CFAP52: variants seen among roughly 807,000 people sequenced by gnomAD.
CFAP52 encodes the protein cilia and flagella associated protein 52.
CFAP52 carries 57 observed loss-of-function variants against 70.5 expected under a neutral mutation model. That is an observed-to-expected ratio of 0.81 (90% confidence interval 0.65 to 1.01). CFAP52 has a LOEUF of 1.01. Among genes scored for constraint, CFAP52 ranks in the 50% least tolerant of loss-of-function variants. The pLI, the probability that CFAP52 is intolerant of heterozygous loss-of-function variation, is 0.00. For missense variants in CFAP52, 785 were observed against 788.5 expected (o/e 1.00, Z 0.05); for synonymous variants, 267 against 292.5 (o/e 0.91, Z 0.89).
chr17:9,598,340 A>T lies in CFAP52; in HGVS notation c.636+7A>T. On this transcript the variant is annotated splice_region_variant and intron_variant, in intron 5 of 13. Transcript: ENST00000352665. ...AATAGTCATGAGTATTGGAGTAAGT[A>T]TTAATTTAAGTATTAAGTAACAATT... The T allele has an allele frequency of 6.2e-7, 1 of 1,605,570 alleles. No homozygotes were observed. Among genetic ancestry groups the T allele is most frequent in the Admixed American group, 1.7e-5 (1 of 59,178 alleles).
At chr17:9,637,582 T>G (rs2151952906) in intron 11 of CFAP52, among the ~76,000 whole-genome samples, 1 of 152,278 alleles carries the variant, frequency 6.6e-6, no homozygotes, top group East Asian at 1.9e-4. Context: ...CACATAAAAA[T>G]CAACTGAAAT....
chr17:9,588,468 C>T (rs1908597204), intron 3 of CFAP52, among the ~76,000 whole-genome samples: 1 of 152,152 alleles, frequency 6.6e-6, no homozygotes, highest in South Asian at 2.1e-4. Flanking sequence ...GCAGCGGAGG[C>T]AGGGCAGACA....
rs1202912825 is a variant in CFAP52, at chr17:9,586,561, G to A, written c.271-137G>A. 34 of 1,150,488 alleles carry A rather than the reference G, an allele frequency of 3.0e-5. No individual in the cohort carries two copies. The African/African-American group carries it at 3.7e-4, about 13-fold the overall frequency. The allele number at this position is 1,150,488 out of a possible 1,614,324, so 71.3% of individuals were successfully genotyped here. ...CCTGGGCAAAAAAGAGTGAGACTCC[G>A]TCTCAACAAAAAAAAAAAAAAAAAG... On this transcript the variant is annotated intron_variant, in intron 2 of 13. Coordinates refer to ENST00000352665, the MANE Select transcript of CFAP52 (RefSeq NM_145054.5).
intron 9 of CFAP52, among the ~76,000 whole-genome samples, chr17:9,632,316 G>T (rs1235662194): frequency 1.3e-5 from 2 of 148,868 alleles, no homozygotes; most frequent in Non-Finnish European, 3.0e-5. Flanking sequence ...CTGGTCTTGT[G>T]CTCCTAGACT....
chr17:9,641,325 T>G (rs1257544311), intron 12 of CFAP52, among the ~76,000 whole-genome samples: 1 of 152,160 alleles, frequency 6.6e-6, no homozygotes, highest in Non-Finnish European at 1.5e-5. Flanking sequence ...TCTCTAGAAC[T>G]CTGGGGAGTG....
intron 10 of CFAP52, 109 bp downstream of exon 10, chr17:9,633,142 G>A: frequency 1.5e-6 from 2 of 1,293,146 alleles, no homozygotes; most frequent in Non-Finnish European, 1.0e-6. Flanking sequence ...TATTCAAGCA[G>A]GACCAAATTG....
At chr17:9,583,933 G>A (rs1452388474) in intron 1 of CFAP52, among the ~76,000 whole-genome samples, 2 of 152,192 alleles carry the variant, frequency 1.3e-5, no homozygotes, top group Non-Finnish European at 2.9e-5. Context: ...AGCTTTATTG[G>A]AGAAGCCAGC....
At chr17:9,608,903 G>T (rs190102644) in intron 7 of CFAP52, among the ~76,000 whole-genome samples, 199 of 152,282 alleles carry the variant, frequency 1.3e-3, no homozygotes, top group Non-Finnish European at 2.1e-3. Flanking sequence ...ACACACGAAA[G>T]AAGTCACTAC....
chr17:9,631,774 T>TC (rs1348932515), intron 9 of CFAP52, among the ~76,000 whole-genome samples: 1 of 151,834 alleles, frequency 6.6e-6, no homozygotes, highest in Non-Finnish European at 1.5e-5. Context: ...GGAAAGTTTT[T>TC]TTTTTTTTTT....
At chr17:9,587,631 G>A (rs1406585318) in intron 3 of CFAP52, among the ~76,000 whole-genome samples, 7 of 152,098 alleles carry the variant, frequency 4.6e-5, no homozygotes, top group African/African-American at 1.7e-4. Context: ...GTGATATTGA[G>A]CCTTTTTTCA....
intron 10 of CFAP52, 146 bp from the exon 11 acceptor site, chr17:9,635,259 T>G: frequency 9.0e-7 from 1 of 1,113,584 alleles, no homozygotes; most frequent in Non-Finnish European, 1.3e-6. Flanking sequence ...CAACTTAGCA[T>G]TCACACCCCA....
At chr17:9,606,629 C>T (rs536323952) in intron 6 of CFAP52, among the ~76,000 whole-genome samples, 3 of 152,314 alleles carry the variant, frequency 2.0e-5, no homozygotes, top group African/African-American at 4.8e-5. Flanking sequence ...CGACTGGCTG[C>T]AGAACCTGTG....
At chr17:9,629,620 T>A (rs913243777) in intron 9 of CFAP52, among the ~76,000 whole-genome samples, 5 of 150,584 alleles carry the variant, frequency 3.3e-5, no homozygotes, top group African/African-American at 9.8e-5. Context: ...CGATCTAGGC[T>A]CACTGCAACC....
At chr17:9,604,195 C>G (rs1463087546) in intron 6 of CFAP52, among the ~76,000 whole-genome samples, 1 of 152,068 alleles carries the variant, frequency 6.6e-6, no homozygotes, top group Non-Finnish European at 1.5e-5. Flanking sequence ...AATAGAACTC[C>G]TGAAAGATAA....
chr17:9,642,846 T>C (rs79276762), intron 13 of CFAP52, among the ~76,000 whole-genome samples, 177 bp from the exon 14 acceptor site: 6,672 of 152,270 alleles, frequency 0.044, 204 homozygotes, highest in Middle Eastern at 0.085. Context: ...TACCTCTTTG[T>C]ATTTCCCCCT....
Position 9,612,354 on chromosome 17 carries a change from A to C in CFAP52, c.900A>C (p.Gly300=). Reference sequence around the variant, plus strand: ...GCATCACTTCTATCACACTTCGAGGAGAAGGACACCAGTTTCTCGTAGGAA... The same window carrying C: ...GCATCACTTCTATCACACTTCGAGGCGAAGGACACCAGTTTCTCGTAGGAA... ...QGGITSITLR[G]EGHQFLVGTE... is the part of the protein sequence containing the mutation. The change falls in exon 8 of 14, where the codon GGA becomes GGC. Residue 300 remains glycine (G), a synonymous_variant. Coordinates refer to ENST00000352665, the MANE Select transcript of CFAP52 (RefSeq NM_145054.5). 1 of 1,614,230 alleles carries C rather than the reference A, an allele frequency of 6.2e-7. No homozygotes were observed. The highest frequency in any genetic ancestry group is 1.7e-5 in the Admixed American group (1 of 60,032).
rs528822124 is a variant in CFAP52 at position 9,635,386 on chromosome 17, T to C, written c.1321-19T>C. The C allele has an allele frequency of 6.2e-7, 1 of 1,613,620 alleles. No homozygotes were observed. Among genetic ancestry groups the C allele is most frequent in the South Asian group, 1.1e-5 (1 of 91,050 alleles). Reference sequence around the variant, plus strand: ...AAGTCCCAAGTGTGGATCAAGATCCTGTGCTCTGTGGCTTTCAGGTGAGGG... The same window carrying C: ...AAGTCCCAAGTGTGGATCAAGATCCCGTGCTCTGTGGCTTTCAGGTGAGGG... On this transcript the variant is annotated intron_variant, in intron 10 of 13. Transcript: ENST00000352665.
chr17:9,595,312 G>T (rs1908949470), intron 4 of CFAP52, among the ~76,000 whole-genome samples: 1 of 152,144 alleles, frequency 6.6e-6, no homozygotes. Context: ...AGCTAGAGAA[G>T]AGAATTTGTG....
rs1567620702 is a variant in CFAP52, at chr17:9,586,929, C to T, written c.407+95C>T. 2.2e-6 allele frequency: 3 copies of T among 1,366,482 alleles called. No individual in the cohort carries two copies. In the East Asian group the frequency reaches 7.8e-5, roughly 36 times the overall value. 84.6% of individuals were successfully genotyped at this position (1,366,482 alleles called of 1,614,324 possible). ...TGTGCAGGTTTGTTATATAGGTAAA[C>T]TTATGTCACGGGTTTGTTGTACAGA... On this transcript the variant is annotated intron_variant, in intron 3 of 13. Coordinates refer to ENST00000352665, the MANE Select transcript of CFAP52 (RefSeq NM_145054.5).
Sources: gnomAD v4.1 joint callset for allele counts (sites outside exome capture counted in the v4.1 genomes callset) on GRCh38, gnomAD v4.1.1 for gene constraint, MANE v1.5 for transcripts, NCBI Gene and HGNC (gene_info 2026-07-23, HGNC 2026-07-21) for gene names.